C9orf43: variants seen among roughly 807,000 people sequenced by gnomAD.
C9orf43 encodes chromosome 9 open reading frame 43, also known as uncharacterized protein C9orf43.
Under a neutral mutation model 59.1 loss-of-function variants are expected in C9orf43, and 45 were observed. The observed-to-expected ratio is 0.76, with a 90% CI of 0.60 to 0.98. The LOEUF (loss-of-function observed/expected upper bound fraction) is 0.98, where lower values mean the gene tolerates loss of function less well. C9orf43 is among the 50% of genes least tolerant of loss of function. C9orf43 has a pLI of 0.00. For synonymous variants in C9orf43, 203 were observed against 196.8 expected (o/e 1.03, Z -0.26); for missense variants, 533 against 554.9 (o/e 0.96, Z 0.40).
chr9:113,429,674 C>A lies in C9orf43; in HGVS notation c.*288C>A. Reference sequence around the variant, plus strand: ...GAATAATTTTGGTGATTAAACACAACTGCTTTTCAATCAAAAGACTTATTT... The same window carrying A: ...GAATAATTTTGGTGATTAAACACAAATGCTTTTCAATCAAAAGACTTATTT... On this transcript the variant is annotated 3_prime_UTR_variant, in exon 14 of 14. Transcript: ENST00000374165. 3.1e-6 allele frequency: 1 copy of A among 325,222 alleles called. No homozygotes were observed. The highest frequency in any genetic ancestry group is 5.6e-6 in the Non-Finnish European group (1 of 178,330). The allele number at this position is 325,222 out of a possible 1,614,324, so 20.1% of individuals were successfully genotyped here.
intron 8 of C9orf43, among the ~76,000 whole-genome samples, chr9:113,424,539 T>C (rs913062501): frequency 5.9e-5 from 9 of 151,736 alleles, no homozygotes; most frequent in African/African-American, 2.2e-4. Flanking sequence ...TTTTTTTTCT[T>C]TTTTGAGAGA....
Position 113,421,099 on chromosome 9 carries a change from T to A in C9orf43, c.346-4T>A, listed in dbSNP as rs746578424. The A allele has an allele frequency of 6.2e-7, 1 of 1,611,268 alleles. No individual in the cohort carries two copies. Among genetic ancestry groups the A allele is most frequent in the Non-Finnish European group, 8.5e-7 (1 of 1,177,576 alleles). ...CATACATAGGCTTTATATCTTTCTC[T>A]TAGTTTCCAGTGTTGAATTTGAATG... On this transcript the variant is annotated splice_polypyrimidine_tract_variant and splice_region_variant and intron_variant, in intron 4 of 13. Transcript: ENST00000374165.
Position 113,425,677 on chromosome 9 carries a change from T to C in C9orf43, c.977T>C (p.Ile326Thr), listed in dbSNP as rs962962889. ...AAGAAAGCCAAGAGTGATCCAGGGATCCAGAGCACTTCACATAAACATCCA... is the reference window on the plus strand; with the variant it reads ...AAGAAAGCCAAGAGTGATCCAGGGACCCAGAGCACTTCACATAAACATCCA... ...AKKKAKSDPG[I>T]QSTSHKHPVT... is the part of the protein sequence containing the mutation. Residue 326 changes from isoleucine (I) to threonine (T), a missense_variant, in exon 11 of 14, where the codon ATC becomes ACC. By Grantham distance (89) the Ile-to-Thr change is moderately conservative (BLOSUM62 -1). Coordinates refer to ENST00000374165, the MANE Select transcript of C9orf43 (RefSeq NM_001278629.2). 1.9e-5 allele frequency: 31 copies of C among 1,614,014 alleles called. No individual in the cohort carries two copies. Among genetic ancestry groups the C allele is most frequent in the Non-Finnish European group, 2.6e-5 (31 of 1,180,010 alleles).
intron 7 of C9orf43, 104 bp downstream of exon 7, chr9:113,423,602 C>A: frequency 9.2e-7 from 1 of 1,087,228 alleles, no homozygotes. Flanking sequence ...TGGGAGAAAA[C>A]TATCACCCCG....
At chr9:113,420,111 A>G (rs182759582) in intron 4 of C9orf43, among the ~76,000 whole-genome samples, 1 of 152,190 alleles carries the variant, frequency 6.6e-6, no homozygotes, top group African/African-American at 2.4e-5. Context: ...TATTATTTTA[A>G]GAGACAGGGT....
chr9:113,426,248 G>A (rs1828787896), intron 11 of C9orf43, among the ~76,000 whole-genome samples: 1 of 152,188 alleles, frequency 6.6e-6, no homozygotes, highest in South Asian at 2.1e-4. Context: ...GAGTCAGGGA[G>A]CCAACTCTTG....
chr9:113,426,016 G>T (rs1828780012), intron 11 of C9orf43, among the ~76,000 whole-genome samples: 3 of 152,150 alleles, frequency 2.0e-5, no homozygotes, highest in Admixed American at 2.0e-4. Context: ...CTTAGAAAAG[G>T]CAGAGCACTT....
intron 4 of C9orf43, 68 bp downstream of exon 4, chr9:113,419,233 C>T: frequency 8.1e-7 from 1 of 1,227,256 alleles, no homozygotes; most frequent in Non-Finnish European, 1.2e-6. Flanking sequence ...AACTATTCTG[C>T]CTTTATTTGA....
At chr9:113,418,119 G>A (rs539403897) in intron 3 of C9orf43, among the ~76,000 whole-genome samples, 2 of 152,056 alleles carry the variant, frequency 1.3e-5, no homozygotes, top group African/African-American at 2.4e-5. Flanking sequence ...ACAATTCATT[G>A]GCATTAAGTA....
In C9orf43 at chr9:113,413,488, C is replaced by T; in HGVS notation, c.-6C>T. 1 of 1,609,386 alleles carries T rather than the reference C, an allele frequency of 6.2e-7. No homozygotes were observed. Among genetic ancestry groups the T allele is most frequent in the Non-Finnish European group, 8.5e-7 (1 of 1,176,084 alleles). On this transcript the variant is annotated 5_prime_UTR_variant, in exon 2 of 14. Transcript: ENST00000374165. ...GGTTGGCCTTTGGCCTAAACCATTTCTAGCTATGGACTTGCCAGATGAGAG... is the reference window on the plus strand; with the variant it reads ...GGTTGGCCTTTGGCCTAAACCATTTTTAGCTATGGACTTGCCAGATGAGAG...
chr9:113,429,109 T>A, intron 13 of C9orf43, 63 bp from the exon 14 acceptor site: 2 of 1,563,974 alleles, frequency 1.3e-6, no homozygotes, highest in Non-Finnish European at 1.8e-6. Flanking sequence ...TCCTTTTCTG[T>A]CCTCCATTTG....
rs1174695693 is a variant in C9orf43, at chr9:113,428,918, A to G, written c.1126A>G (p.Lys376Glu). ...ATTTCAGGATTCCACGGAGAGACCA[A>G]AGATGAACTACTATGACCATGCGGA... ...TSKQDSTERP[K>E]MNYYDHADFH... Residue 376 changes from lysine (K) to glutamate (E), a missense_variant, in exon 13 of 14, where the codon AAG (lysine) becomes GAG (glutamate). Coordinates refer to ENST00000374165, the MANE Select transcript of C9orf43 (RefSeq NM_001278629.2). 3 of 1,613,948 alleles carry G rather than the reference A, an allele frequency of 1.9e-6. No individual in the cohort carries two copies. The highest frequency in any genetic ancestry group is 1.3e-5 in the African/African-American group (1 of 75,048).
chr9:113,412,320 A>G (rs1828199391), intron 1 of C9orf43, among the ~76,000 whole-genome samples: 1 of 152,236 alleles, frequency 6.6e-6, no homozygotes, highest in African/African-American at 2.4e-5. Flanking sequence ...TTTAAAATTG[A>G]TTCAAAGTGC....
At chr9:113,420,956 T>C (rs1328653565) in intron 4 of C9orf43, 147 bp from the exon 5 acceptor site, 13 of 842,056 alleles carry the variant, frequency 1.5e-5, no homozygotes, top group Admixed American at 2.8e-5. Context: ...AGTCTGTTTT[T>C]TTTGGGAGAA....
chr9:113,424,266 A>G lies in C9orf43; in HGVS notation c.757A>G (p.Ser253Gly). The change falls in exon 8 of 14, where the codon AGT becomes GGT. Residue 253 changes from serine (S) to glycine (G), a missense_variant. Transcript: ENST00000374165. ...NLPLEKNRPD[S>G]VISSKMFLSI... ...TCCCTTGGAAAAGAACCGACCTGACAGTGTGATTTCTTCTAAGATGTTTCT... is the reference window on the plus strand; with the variant it reads ...TCCCTTGGAAAAGAACCGACCTGACGGTGTGATTTCTTCTAAGATGTTTCT... 1 of 1,614,042 alleles carries G rather than the reference A, an allele frequency of 6.2e-7. No homozygotes were observed. The highest frequency in any genetic ancestry group is 1.1e-5 in the South Asian group (1 of 91,074).
chr9:113,428,316 G>T, intron 12 of C9orf43, 93 bp downstream of exon 12: 1 of 1,195,944 alleles, frequency 8.4e-7, no homozygotes, highest in Non-Finnish European at 1.2e-6. Flanking sequence ...ATTTGCTATT[G>T]CTAATGATTC....
intron 3 of C9orf43, among the ~76,000 whole-genome samples, chr9:113,415,645 A>G (rs1454033314): frequency 6.6e-6 from 1 of 151,984 alleles, no homozygotes; most frequent in Non-Finnish European, 1.5e-5. Flanking sequence ...AACTATTTGT[A>G]AGCTCCTAAA....
chr9:113,410,870 C>T lies in C9orf43; in HGVS notation c.-181C>T. ...GGAATCTGCTTTGCTCTCACAGGAC[C>T]TCAGCCCGTCGTGATCAGATTCTCC... On this transcript the variant is annotated 5_prime_UTR_variant, in exon 1 of 14. Transcript: ENST00000374165. 5 of 886,582 alleles carry T rather than the reference C, an allele frequency of 5.6e-6. No homozygotes were observed. The highest frequency in any genetic ancestry group is 6.8e-6 in the Non-Finnish European group (5 of 738,456). The allele number at this position is 886,582 out of a possible 1,614,324, so 54.9% of individuals were successfully genotyped here. A position where few individuals can be genotyped will look rare whatever the true frequency, so the allele number is the denominator to read the frequency against.
At chr9:113,415,856 G>T (rs1828336612) in intron 3 of C9orf43, among the ~76,000 whole-genome samples, 1 of 152,170 alleles carries the variant, frequency 6.6e-6, no homozygotes, top group Non-Finnish European at 1.5e-5. Flanking sequence ...TTCCATTTAA[G>T]TAGCCCTTAA....
Sources: gnomAD v4.1 joint callset for allele counts (sites outside exome capture counted in the v4.1 genomes callset) on GRCh38, gnomAD v4.1.1 for gene constraint, MANE v1.5 for transcripts, NCBI Gene and HGNC (gene_info 2026-07-23, HGNC 2026-07-21) for gene names.